PRDM11: variants seen among roughly 807,000 people sequenced by gnomAD.
PRDM11 encodes PR/SET domain 11, also known as PR domain-containing protein 11.
A neutral mutation model predicts 97.8 loss-of-function variants in PRDM11; 20 were observed. The observed-to-expected ratio is 0.20, with a 90% CI of 0.14 to 0.30. PRDM11 has a LOEUF of 0.30. Among genes scored for constraint, PRDM11 ranks in the 10% least tolerant of loss-of-function variants. PRDM11 has a pLI of 1.00. For missense variants in PRDM11, 1,139 were observed against 1,555.2 expected (o/e 0.73, Z 4.50); for synonymous variants, 599 against 637.7 (o/e 0.94, Z 0.91).
At position 45,224,730 on chromosome 11, in the gene PRDM11, A is replaced by C. The variant is rs1316611598; in HGVS notation, c.1256A>C (p.Lys419Thr). Residue 419 changes from lysine (K) to threonine (T), a missense_variant, in exon 7 of 8, where the codon AAG (lysine) becomes ACG (threonine). Around this residue, in one of 2 missense-constraint regions of PRDM11, gnomAD observed 710 missense variants for 1,044.9 expected, o/e 0.68. Transcript: ENST00000683152. ...TGCCCTAACTGTATTCGCCTAAAGA[A>C]GAAGGTTCGGGAGCTCCAGGCAGAA... ...SFCPNCIRLK[K>T]KVRELQAELD... is the part of the protein sequence containing the mutation. 1 of 1,614,062 alleles carries C rather than the reference A, an allele frequency of 6.2e-7. No homozygotes were observed. The highest frequency in any genetic ancestry group is 8.5e-7 in the Non-Finnish European group (1 of 1,180,030).
intron 4 of PRDM11, among the ~76,000 whole-genome samples, chr11:45,187,152 C>T (rs1269875639): frequency 6.6e-6 from 1 of 152,150 alleles, no homozygotes; most frequent in Non-Finnish European, 1.5e-5. Context: ...AAGCTTATTC[C>T]CAACCAAGTA....
chr11:45,164,326 T>TGCGCTCTGCCAGCCC (rs1852007312), intron 1 of PRDM11, among the ~76,000 whole-genome samples: 1 of 152,266 alleles, frequency 6.6e-6, no homozygotes, highest in Non-Finnish European at 1.5e-5. Context: ...TTGGCCAGGC[T>TGCGCTCTGCCAGCCC]GCGCTCTGCC....
chr11:45,191,147 T>C (rs1852898367), intron 4 of PRDM11, among the ~76,000 whole-genome samples: 1 of 152,242 alleles, frequency 6.6e-6, no homozygotes, highest in African/African-American at 2.4e-5. Context: ...CTTCATGATA[T>C]TGATACTTTT....
At chr11:45,156,427 T>G (rs1283423559) in intron 1 of PRDM11, among the ~76,000 whole-genome samples, 2 of 152,216 alleles carry the variant, frequency 1.3e-5, no homozygotes, top group African/African-American at 4.8e-5. Flanking sequence ...AGGTTCCTCT[T>G]GGAACACTGG....
intron 1 of PRDM11, among the ~76,000 whole-genome samples, chr11:45,120,143 G>A (rs1325445433): frequency 1.3e-5 from 2 of 152,220 alleles, no homozygotes; most frequent in Non-Finnish European, 2.9e-5. Context: ...TGACTGGATA[G>A]TGAACTGGAA....
At chr11:45,139,627 A>AC (rs1418804769) in intron 1 of PRDM11, among the ~76,000 whole-genome samples, 1 of 151,490 alleles carries the variant, frequency 6.6e-6, no homozygotes, top group Admixed American at 6.6e-5. Context: ...ATATCCTTTG[A>AC]CCCTGAAATT....
chr11:45,113,018 T>G (rs1288319047), intron 1 of PRDM11, among the ~76,000 whole-genome samples: 1 of 152,226 alleles, frequency 6.6e-6, no homozygotes, highest in Non-Finnish European at 1.5e-5. Context: ...AGTCATGAAT[T>G]CTTTGCCTAA....
chr11:45,099,958 G>T (rs1022996680), intron 1 of PRDM11, among the ~76,000 whole-genome samples: 3 of 152,204 alleles, frequency 2.0e-5, no homozygotes, highest in Admixed American at 1.3e-4. Context: ...CAGATTAGAA[G>T]TAGAAAGTTT....
At chr11:45,141,016 T>C (rs1032763843) in intron 1 of PRDM11, among the ~76,000 whole-genome samples, 2 of 152,162 alleles carry the variant, frequency 1.3e-5, no homozygotes, top group African/African-American at 4.8e-5. Context: ...CCACAACTTG[T>C]ACTCCAATCA....
intron 1 of PRDM11, among the ~76,000 whole-genome samples, chr11:45,139,503 G>T (rs1156564582): frequency 6.7e-6 from 1 of 149,054 alleles, no homozygotes; most frequent in African/African-American, 2.5e-5. Flanking sequence ...GGAGGCGGAG[G>T]TTGCAGTGAG....
intron 1 of PRDM11, among the ~76,000 whole-genome samples, chr11:45,119,940 T>C (rs1852393520): frequency 6.6e-6 from 1 of 152,016 alleles, no homozygotes; most frequent in Non-Finnish European, 1.5e-5. Context: ...GAGTTAGCAG[T>C]AAGGACATAA....
Position 45,110,609 on chromosome 11 carries a change from C to T in PRDM11, c.96+14708C>T, listed in dbSNP as rs117555471. 1.1e-4 allele frequency among the ~76,000 whole-genome samples: 17 copies of T among 152,324 alleles called. 1 individual carries two copies. The East Asian group carries it at 3.3e-3, about 29-fold the overall frequency. ...AAAGAGGACAGGCCGCTGCTCTGGC[C>T]TCCCCGGCGCAACGACCTCACCAAA... On this transcript the variant is annotated intron_variant, in intron 1 of 6. Transcript: ENST00000530656.
chr11:45,220,903 T>TG lies in PRDM11; in HGVS notation c.742+1146_742+1147insG, dbSNP rs1554974968. Among the ~76,000 whole-genome samples, 385 of 152,220 alleles carry TG rather than the reference T, an allele frequency of 2.5e-3. 2 individuals carry two copies. Among genetic ancestry groups the TG allele is most frequent in the African/African-American group, 9.0e-3 (375 of 41,518 alleles). Reference sequence around the variant, plus strand: ...CAGGCCCTTCTTTCAAGGGTGTTTTTTTTGTTTGTTTGTTTGTTTTTTTCC... The same window carrying TG: ...CAGGCCCTTCTTTCAAGGGTGTTTTTGTTTGTTTGTTTGTTTGTTTTTTTCC... On this transcript the variant is annotated intron_variant, in intron 6 of 7. Coordinates refer to ENST00000683152, the MANE Select transcript of PRDM11 (RefSeq NM_001384648.1).
In PRDM11 at chr11:45,183,141, T is replaced by C; in HGVS notation, c.486+18T>C. The C allele has an allele frequency of 6.3e-7, 1 of 1,599,374 alleles. No homozygotes were observed. Among genetic ancestry groups the C allele is most frequent in the East Asian group, 2.2e-5 (1 of 44,722 alleles). On this transcript the variant is annotated intron_variant, in intron 4 of 7. Transcript: ENST00000683152. ...CCTGGCTGGTGAGTGTGCCCTGGGC[T>C]ATTCATGGGAGAGGTTGCCAAGAAA...
intron 1 of PRDM11, among the ~76,000 whole-genome samples, chr11:45,164,750 A>T (rs1184419164): frequency 3.9e-5 from 6 of 152,152 alleles, no homozygotes; most frequent in Non-Finnish European, 8.8e-5. Flanking sequence ...TTTGACCTCG[A>T]TGGTGGGAAC....
chr11:45,204,200 C>A (rs1350917264), intron 4 of PRDM11, among the ~76,000 whole-genome samples: 1 of 152,168 alleles, frequency 6.6e-6, no homozygotes, highest in Non-Finnish European at 1.5e-5. Context: ...AAAGAGAAAC[C>A]AGCCAGCTTC....
chr11:45,188,602 T>C lies in PRDM11; in HGVS notation c.486+5479T>C, dbSNP rs548234082. On this transcript the variant is annotated intron_variant, in intron 4 of 7. Coordinates refer to ENST00000683152, the MANE Select transcript of PRDM11 (RefSeq NM_001384648.1). ...GAGTGGTACAAGGCATGGGCCTGGG[T>C]CATAATGGACCGAATGGCCATTTCC... is the stretch of plus-strand genomic sequence containing the variant. 9.2e-5 allele frequency among the ~76,000 whole-genome samples: 14 copies of C among 152,346 alleles called. No individual in the cohort carries two copies. In the South Asian group the frequency reaches 2.7e-3, roughly 29 times the overall value.
Position 45,181,794 on chromosome 11 carries a change from G to A in PRDM11, c.28G>A (p.Ala10Thr). MTENMKECL[A>T]QTNAAVGDMV... is the part of the protein sequence containing the mutation. Reference sequence around the variant, plus strand: ...GACCGAGAACATGAAGGAGTGCTTGGCCCAGACCAATGCAGCCGTGGGGGA... The same window carrying A: ...GACCGAGAACATGAAGGAGTGCTTGACCCAGACCAATGCAGCCGTGGGGGA... The change falls in exon 2 of 8, where the codon GCC becomes ACC. Residue 10 changes from alanine to threonine, a missense_variant. By Grantham distance (58) the Ala-to-Thr change is moderately conservative. Transcript: ENST00000683152. 2 of 1,613,466 alleles carry A rather than the reference G, an allele frequency of 1.2e-6. No homozygotes were observed. The highest frequency in any genetic ancestry group is 1.7e-6 in the Non-Finnish European group (2 of 1,179,924).
chr11:45,147,054 G>T (rs914583459), intron 1 of PRDM11, among the ~76,000 whole-genome samples, 177 bp downstream of exon 1: 1 of 146,074 alleles, frequency 6.8e-6, no homozygotes, highest in African/African-American at 2.5e-5. Context: ...GCCGGCGCGG[G>T]GTGGGGGGCG....
Sources: gnomAD v4.1 joint callset for allele counts (sites outside exome capture counted in the v4.1 genomes callset) on GRCh38, gnomAD v4.1.1 for gene constraint, gnomAD v4.1.1 regional missense constraint, MANE v1.5 for transcripts, NCBI Gene and HGNC (gene_info 2026-07-23, HGNC 2026-07-21) for gene names.